The following PCSK5 variants were observed in gnomAD, a reference collection of about 807,000 sequenced individuals.
PCSK5 encodes the protein proprotein convertase subtilisin/kexin type 5, also known as prohormone convertase 5.
Under a neutral mutation model 233.2 loss-of-function variants are expected in PCSK5, and 129 were observed. That is an observed-to-expected ratio of 0.55 (90% CI 0.48 to 0.64). The LOEUF is 0.64. Ranked by LOEUF, PCSK5 falls within the 30% of genes least tolerant of loss-of-function variation. The pLI is 0.00. For missense variants in PCSK5, 2,076 were observed against 2,430.1 expected, an observed-to-expected ratio of 0.85 and a Z score of 3.06; for synonymous variants, 825 against 879.2, an observed-to-expected ratio of 0.94 and a Z score of 1.09.
In PCSK5 at chr9:75,994,396, CTTTCTTTTTTTTTT is replaced by C. The variant is rs1826909386; in HGVS notation, c.411+8155_411+8168del. Among the ~76,000 whole-genome samples the C allele has an allele frequency of 1.1e-3, 73 of 68,294 alleles. 4 individuals carry two copies. In the East Asian group the frequency reaches 0.011, roughly 10 times the overall value. The allele number at this position is 68,294 out of a possible 152,430, so 44.8% of individuals were successfully genotyped here. A position where few individuals can be genotyped will look rare whatever the true frequency, so the allele number is the denominator to read the frequency against. ...CCCAGTTTCTTTCTTTTCTTTCTTT[CTTTCTTTTTTTTTT>C]TTTTTTTTTTTTTTTTTTTTTTTTT... On this transcript the variant is annotated intron_variant, in intron 3 of 37. Transcript: ENST00000674117.
intron 3 of PCSK5, among the ~76,000 whole-genome samples, chr9:76,021,191 G>A (rs1828169988): frequency 6.6e-6 from 1 of 152,180 alleles, no homozygotes; most frequent in South Asian, 2.1e-4. Flanking sequence ...TCCTAGGGCA[G>A]ACTTAGTTTA....
chr9:76,315,370 C>A (rs958978458), intron 30 of PCSK5, among the ~76,000 whole-genome samples: 9 of 152,160 alleles, frequency 5.9e-5, no homozygotes, highest in African/African-American at 2.2e-4. Flanking sequence ...CCTTTAAGTG[C>A]TGCTGGTCAC....
intron 2 of PCSK5, among the ~76,000 whole-genome samples, chr9:75,941,195 G>A (rs11144691): frequency 0.44 from 67,500 of 151,906 alleles, 15,227 homozygotes; most frequent in Middle Eastern, 0.49. Flanking sequence ...TTTTAAATGC[G>A]ATAATGACTT....
At chr9:76,002,649 G>A (rs1220590726) in intron 3 of PCSK5, among the ~76,000 whole-genome samples, 2 of 152,178 alleles carry the variant, frequency 1.3e-5, no homozygotes, top group African/African-American at 4.8e-5. Context: ...CATTTTTACA[G>A]CAAAACATTG....
intron 1 of PCSK5, among the ~76,000 whole-genome samples, chr9:75,915,345 A>G (rs1822940868): frequency 1.3e-5 from 2 of 152,228 alleles, no homozygotes; most frequent in African/African-American, 4.8e-5. Flanking sequence ...GAACTTATAC[A>G]GTAACCAAAT....
chr9:76,180,778 C>G (rs1177708808), intron 15 of PCSK5, among the ~76,000 whole-genome samples: 1 of 152,152 alleles, frequency 6.6e-6, no homozygotes, highest in Non-Finnish European at 1.5e-5. Flanking sequence ...TGGCTATCTC[C>G]CAGCCTCTGT....
intron 6 of PCSK5, among the ~76,000 whole-genome samples, chr9:76,068,351 C>T (rs1452448583): frequency 6.6e-6 from 1 of 152,000 alleles, no homozygotes; most frequent in Non-Finnish European, 1.5e-5. Context: ...CAATTGGTGC[C>T]TGGGTTAGAA....
intron 12 of PCSK5, among the ~76,000 whole-genome samples, chr9:76,163,966 T>G (rs1822985576): frequency 6.7e-6 from 1 of 150,100 alleles, no homozygotes; most frequent in Non-Finnish European, 1.5e-5. Context: ...AAGGTGAAAC[T>G]TTGCCTCCCT....
chr9:76,025,145 C>G (rs1031776011), intron 4 of PCSK5, among the ~76,000 whole-genome samples: 2 of 152,122 alleles, frequency 1.3e-5, no homozygotes, highest in Non-Finnish European at 2.9e-5. Context: ...ACATTTCAGG[C>G]TCTATGTACT....
At chr9:75,950,596 A>G (rs1448313921) in intron 2 of PCSK5, among the ~76,000 whole-genome samples, 4 of 152,326 alleles carry the variant, frequency 2.6e-5, no homozygotes, top group African/African-American at 9.6e-5. Context: ...ACTAAGCTTC[A>G]TAAGTGAAGG....
chr9:76,046,689 T>C (rs1829419143), intron 5 of PCSK5, among the ~76,000 whole-genome samples: 1 of 149,342 alleles, frequency 6.7e-6, no homozygotes, highest in Admixed American at 6.7e-5. Context: ...GCCTCCTGAG[T>C]AGCTGGGACT....
At chr9:76,336,952 A>G (rs1302092814) in intron 34 of PCSK5, among the ~76,000 whole-genome samples, 1 of 152,024 alleles carries the variant, frequency 6.6e-6, no homozygotes, top group Non-Finnish European at 1.5e-5. Flanking sequence ...AATAAGGTGA[A>G]ATAATGTTTA....
At chr9:76,241,127 G>A (rs930614025) in intron 24 of PCSK5, among the ~76,000 whole-genome samples, 2 of 152,150 alleles carry the variant, frequency 1.3e-5, no homozygotes, top group African/African-American at 4.8e-5. Flanking sequence ...GGTAGAGGGA[G>A]GGGGGGTTTC....
chr9:76,200,452 C>T (rs10746995), intron 20 of PCSK5, among the ~76,000 whole-genome samples: 105,360 of 151,970 alleles, frequency 0.69, 37,320 homozygotes, highest in East Asian at 0.8. Context: ...CCATAGCACT[C>T]ACCACATGAC....
chr9:76,023,795 A>C lies in PCSK5; in HGVS notation c.469A>C (p.Lys157Gln). The C allele has an allele frequency of 6.2e-7, 1 of 1,612,990 alleles. No homozygotes were observed. The highest frequency in any genetic ancestry group is 8.5e-7 in the Non-Finnish European group (1 of 1,179,050). Residue 157 changes from lysine to glutamine, a missense_variant, in exon 4 of 38, where the codon AAG becomes CAG. Around this residue, in one of 6 missense-constraint regions of PCSK5, gnomAD observed 190 missense variants for 216.3 expected, o/e 0.88. Coordinates refer to ENST00000674117, the MANE Select transcript of PCSK5 (RefSeq NM_001372043.1). ...QSDMNIEGAW[K>Q]RGYTGKNIVV... ...TGACATGAATATCGAAGGAGCCTGG[A>C]AGAGAGGCTACACGGGAAAGAACAT... is the stretch of plus-strand genomic sequence containing the variant.
At chr9:75,992,590 T>C (rs112387638) in intron 3 of PCSK5, among the ~76,000 whole-genome samples, 8 of 145,450 alleles carry the variant, frequency 5.5e-5, no homozygotes, top group African/African-American at 2.0e-4. Context: ...CACACACACA[T>C]ACACACACAT....
intron 10 of PCSK5, among the ~76,000 whole-genome samples, chr9:76,145,515 A>C (rs1225951687): frequency 6.6e-6 from 1 of 152,202 alleles, no homozygotes; most frequent in Non-Finnish European, 1.5e-5. Context: ...AGAGCTTTAA[A>C]TGTGAAAGGA....
intron 24 of PCSK5, among the ~76,000 whole-genome samples, chr9:76,255,986 C>G (rs924309730): frequency 5.3e-5 from 8 of 152,150 alleles, no homozygotes; most frequent in Admixed American, 2.0e-4. Context: ...ACAGACCAAC[C>G]AAATAGTTGC....
chr9:76,036,687 C>T lies in PCSK5; in HGVS notation c.632+9650C>T, dbSNP rs76480323. 6.9e-3 allele frequency among the ~76,000 whole-genome samples: 1,057 copies of T among 152,324 alleles called. 6 individuals are homozygous for T. Among genetic ancestry groups the T allele is most frequent in the Non-Finnish European group, 0.011 (766 of 68,028 alleles). On this transcript the variant is annotated intron_variant, in intron 5 of 37. Transcript: ENST00000674117. ...TGTCTCATTTACTACTCACAACAAC[C>T]CACATTCAGAGAGAAGTCTAGAGAG...
Sources: gnomAD v4.1 joint callset for allele counts (sites outside exome capture counted in the v4.1 genomes callset) on GRCh38, gnomAD v4.1.1 for gene constraint, gnomAD v4.1.1 regional missense constraint, MANE v1.5 for transcripts, NCBI Gene and HGNC (gene_info 2026-07-23, HGNC 2026-07-21) for gene names.